KIF6: variants seen among roughly 807,000 people sequenced by gnomAD.
KIF6 encodes the protein kinesin family member 6.
A neutral mutation model predicts 112.7 loss-of-function variants in KIF6; 106 were observed. The ratio of observed to expected loss-of-function variants is 0.94; its 90% CI spans 0.80 to 1.11. The LOEUF (loss-of-function observed/expected upper bound fraction) is 1.11. KIF6 is among the 50% of genes least tolerant of loss of function. The pLI, the probability that KIF6 is intolerant of heterozygous loss-of-function variation, is 0.00. For synonymous variants in KIF6, 339 were observed against 339.9 expected, an observed-to-expected ratio of 1.00 and a Z score of 0.03; for missense variants, 929 against 964.0, an observed-to-expected ratio of 0.96 and a Z score of 0.48.
intron 6 of KIF6, among the ~76,000 whole-genome samples, chr6:39,599,852 G>C (rs1021552943): frequency 2.6e-5 from 4 of 152,172 alleles, no homozygotes; most frequent in African/African-American, 9.7e-5. Flanking sequence ...AATACTGGTA[G>C]AGTGTACCCA....
intron 10 of KIF6, among the ~76,000 whole-genome samples, chr6:39,572,501 T>A (rs1410400166): frequency 6.6e-6 from 1 of 152,050 alleles, no homozygotes; most frequent in Non-Finnish European, 1.5e-5. Context: ...TAGAAAAGGA[T>A]CCAGATGTTT....
In KIF6 at chr6:39,545,700, T is replaced by C; in HGVS notation, c.1182-12A>G. ...TTAGTTTTTCCAGCCTAAAAATACA[T>C]AATGTATGAGAAGCAACTGTGAGCT... On this transcript the variant is annotated splice_polypyrimidine_tract_variant and intron_variant, in intron 10 of 22. Transcript: ENST00000287152. 6.5e-7 allele frequency: 1 copy of C among 1,550,110 alleles called. No individual in the cohort carries two copies. The highest frequency in any genetic ancestry group is 8.9e-7 in the Non-Finnish European group (1 of 1,122,280).
At chr6:39,586,142 T>C in intron 8 of KIF6, 119 bp downstream of exon 8, 1 of 901,390 alleles carries the variant, frequency 1.1e-6, no homozygotes, top group South Asian at 1.5e-5. Flanking sequence ...TGTAGGGTAC[T>C]GCCCTCTGAA....
intron 3 of KIF6, among the ~76,000 whole-genome samples, chr6:39,671,862 G>A (rs2150832418): frequency 6.6e-6 from 1 of 152,328 alleles, no homozygotes; most frequent in South Asian, 2.1e-4. Context: ...TTTGTGGGTT[G>A]TCTTCGGGTA....
intron 9 of KIF6, among the ~76,000 whole-genome samples, 170 bp from the exon 10 acceptor site, chr6:39,578,329 AT>A (rs35778593): frequency 1.5e-3 from 191 of 125,158 alleles, no homozygotes; most frequent in Admixed American, 2.3e-3. Flanking sequence ...ATAGTTCTAG[AT>A]TTTTTTTTTT....
intron 13 of KIF6, among the ~76,000 whole-genome samples, chr6:39,535,487 G>A (rs1417977203): frequency 6.6e-6 from 1 of 152,172 alleles, no homozygotes; most frequent in African/African-American, 2.4e-5. Flanking sequence ...TAATGGTAAA[G>A]GGATCTATTC....
chr6:39,603,537 T>G (rs12198391), intron 6 of KIF6, among the ~76,000 whole-genome samples: 4 of 151,782 alleles, frequency 2.6e-5, no homozygotes, highest in Non-Finnish European at 2.9e-5. Context: ...CATTTTTTTT[T>G]TGTGGGGGGT....
At chr6:39,379,074 A>T (rs1282904752) in intron 16 of KIF6, among the ~76,000 whole-genome samples, 1 of 152,242 alleles carries the variant, frequency 6.6e-6, no homozygotes, top group Non-Finnish European at 1.5e-5. Flanking sequence ...TTATACAAGG[A>T]TCCGCACGAT....
chr6:39,561,468 A>C (rs6907077), intron 10 of KIF6, among the ~76,000 whole-genome samples: 78,954 of 151,448 alleles, frequency 0.52, 23,503 homozygotes, highest in African/African-American at 0.82. Context: ...TCTCCTGCCT[A>C]AGCATCTTGA....
intron 15 of KIF6, among the ~76,000 whole-genome samples, chr6:39,390,829 G>A (rs905161536): frequency 7.2e-4 from 109 of 152,282 alleles, no homozygotes; most frequent in African/African-American, 2.6e-3. Context: ...GCTGTCATGT[G>A]AGAAGCAGTT....
chr6:39,603,809 T>C (rs1303047604), intron 6 of KIF6, among the ~76,000 whole-genome samples: 2 of 152,154 alleles, frequency 1.3e-5, no homozygotes, highest in African/African-American at 4.8e-5. Flanking sequence ...TATATCATAT[T>C]AAAAATTTTC....
At chr6:39,508,819 G>T (rs1028704254) in intron 13 of KIF6, among the ~76,000 whole-genome samples, 3 of 152,232 alleles carry the variant, frequency 2.0e-5, no homozygotes, top group Admixed American at 6.5e-5. Flanking sequence ...AAAGGCAGCA[G>T]ACAGCTTCTG....
chr6:39,379,909 C>T (rs1270638990), intron 16 of KIF6, among the ~76,000 whole-genome samples: 1 of 152,184 alleles, frequency 6.6e-6, no homozygotes, highest in Admixed American at 6.5e-5. Flanking sequence ...CCCTTTGGGC[C>T]TTAAATGTAA....
At chr6:39,531,135 A>T (rs987599882) in intron 13 of KIF6, among the ~76,000 whole-genome samples, 1 of 152,352 alleles carries the variant, frequency 6.6e-6, no homozygotes, top group African/African-American at 2.4e-5. Flanking sequence ...ATATCCAATA[A>T]CAGTGAAAAC....
At chr6:39,658,365 C>T (rs572614805) in intron 3 of KIF6, among the ~76,000 whole-genome samples, 111 of 152,146 alleles carry the variant, frequency 7.3e-4, no homozygotes, top group Non-Finnish European at 1.1e-3. Flanking sequence ...TATGCATTTT[C>T]GGACACTTTT....
At chr6:39,337,252 T>TTCCC (rs140178943) in intron 22 of KIF6, among the ~76,000 whole-genome samples, 82 of 94,866 alleles carry the variant, frequency 8.6e-4, no homozygotes, top group Admixed American at 1.3e-3. Context: ...TTTCTTTTCT[T>TTCCC]TCCCTCCCTC....
Position 39,332,779 on chromosome 6 carries a change from C to G in KIF6, c.*3753G>C, listed in dbSNP as rs1762786386. 6.9e-6 allele frequency: 1 copy of G among 144,706 alleles called. No homozygotes were observed. The highest frequency in any genetic ancestry group is 2.1e-4 in the East Asian group (1 of 4,832). 9.0% of individuals were successfully genotyped at this position (144,706 alleles called of 1,614,324 possible). A position where few individuals can be genotyped will look rare whatever the true frequency, so the allele number is the denominator to read the frequency against. On this transcript the variant is annotated 3_prime_UTR_variant, in exon 23 of 23. Transcript: ENST00000287152. ...AAGATCTCCAGAGCATGCTCTCTCT[C>G]TTTCTCTCTCTTTTTTCTCCTCTCT...
intron 3 of KIF6, among the ~76,000 whole-genome samples, chr6:39,702,279 C>G (rs1788918223): frequency 6.6e-6 from 1 of 152,152 alleles, no homozygotes; most frequent in South Asian, 2.1e-4. Flanking sequence ...GAGTGATAGT[C>G]TGATGGCCCC....
At chr6:39,503,941 G>A (rs753449484) in intron 13 of KIF6, among the ~76,000 whole-genome samples, 4 of 151,806 alleles carry the variant, frequency 2.6e-5, no homozygotes, top group Admixed American at 6.6e-5. Flanking sequence ...AGAAGAGCAG[G>A]TGCCATTCCC....
Sources: gnomAD v4.1 joint callset for allele counts (sites outside exome capture counted in the v4.1 genomes callset) on GRCh38, gnomAD v4.1.1 for gene constraint, MANE v1.5 for transcripts, NCBI Gene and HGNC (gene_info 2026-07-23, HGNC 2026-07-21) for gene names.